ANXA8: variants seen among roughly 807,000 people sequenced by gnomAD.
The protein encoded by ANXA8 is VAC-beta.
Under a neutral mutation model 26.8 loss-of-function variants are expected in ANXA8, and 9 were observed. The ratio of observed to expected loss-of-function variants is 0.34; its 90% CI spans 0.20 to 0.59. The LOEUF is 0.59. Among genes scored for constraint, ANXA8 ranks in the 20% least tolerant of loss-of-function variants. The pLI, the probability that ANXA8 is intolerant of heterozygous loss-of-function variation, is 0.84. For missense variants in ANXA8, 83 were observed against 238.5 expected (o/e 0.35, Z 4.29); for synonymous variants, 39 against 94.8 (o/e 0.41, Z 3.42).
the ANXA8 span, among the ~76,000 whole-genome samples, chr10:47,533,225 C>CACACACACACATACACACA: frequency 5.1e-4 from 50 of 98,562 alleles, no homozygotes; most frequent in African/African-American, 1.6e-3. Flanking sequence ...ACACACACAC[C>CACACACACACATACACACA]CCCGCAGACA....
the ANXA8 span, among the ~76,000 whole-genome samples, chr10:47,599,454 A>G: frequency 0.035 from 5,174 of 148,364 alleles, 813 homozygotes; most frequent in African/African-American, 0.13. Context: ...TTTTTTTACT[A>G]GCATAAAATA....
chr10:47,484,074 G>C lies in ANXA8; in HGVS notation c.-141C>G. 1 of 1,604,366 alleles carries C rather than the reference G, an allele frequency of 6.2e-7. No individual in the cohort carries two copies. Among genetic ancestry groups the C allele is most frequent in the Non-Finnish European group, 8.5e-7 (1 of 1,173,848 alleles). ...GTGTGGGGGTGCAAGCCCGCCCAGG[G>C]CAGCGCCACACCTGCCTGCCGTCCC... On this transcript the variant is annotated 5_prime_UTR_variant, in exon 1 of 12. Transcript: ENST00000585281.
chr10:47,930,025 A>G, the ANXA8 span, among the ~76,000 whole-genome samples: 1 of 152,078 alleles, frequency 6.6e-6, no homozygotes, highest in South Asian at 2.1e-4. Flanking sequence ...CTCACTTCCC[A>G]CTACCCTTCC....
chr10:47,678,664 T>C, the ANXA8 span, among the ~76,000 whole-genome samples: 2 of 151,832 alleles, frequency 1.3e-5, no homozygotes, highest in Non-Finnish European at 2.9e-5. Flanking sequence ...ATCAGTAACC[T>C]TGGGACAATA....
the ANXA8 span, among the ~76,000 whole-genome samples, chr10:47,695,913 T>A: frequency 6.6e-6 from 1 of 151,924 alleles, no homozygotes; most frequent in South Asian, 2.1e-4. Context: ...ACTTTTAACT[T>A]GTGTGGAAGA....
At chr10:47,743,413 A>T in the ANXA8 span, among the ~76,000 whole-genome samples, 5 of 127,188 alleles carry the variant, frequency 3.9e-5, no homozygotes, top group African/African-American at 5.9e-5. Context: ...TGTGAGAGAG[A>T]GAGAGAGAGA....
the ANXA8 span, among the ~76,000 whole-genome samples, chr10:47,939,328 A>G: frequency 7.4e-6 from 1 of 135,130 alleles, no homozygotes; most frequent in Non-Finnish European, 1.6e-5. Context: ...AAAAAAGCAC[A>G]AGTGGCATGG....
chr10:47,960,649 G>A, the ANXA8 span, among the ~76,000 whole-genome samples: 9 of 149,336 alleles, frequency 6.0e-5, no homozygotes, highest in Admixed American at 3.3e-4. Flanking sequence ...TATATGGTTC[G>A]ATTAATCTTT....
the ANXA8 span, among the ~76,000 whole-genome samples, chr10:47,746,137 TGAGGTCCG>T: frequency 2.7e-5 from 3 of 111,772 alleles, no homozygotes; most frequent in Non-Finnish European, 5.7e-5. Context: ...GCAGATCACC[TGAGGTCCG>T]GAGTTCGAGA....
At chr10:47,574,161 A>G in the ANXA8 span, among the ~76,000 whole-genome samples, 96 of 47,652 alleles carry the variant, frequency 2.0e-3, 27 homozygotes, top group Non-Finnish European at 4.0e-3. Context: ...TGTCACCCAG[A>G]CTGGAGTGCA....
chr10:47,762,234 G>A, the ANXA8 span, among the ~76,000 whole-genome samples: 1 of 152,048 alleles, frequency 6.6e-6, no homozygotes, highest in African/African-American at 2.4e-5. Flanking sequence ...GGAGGAAGAG[G>A]GGGCAAGGCC....
the ANXA8 span, chr10:47,689,802 T>C: frequency 4.7e-6 from 7 of 1,496,568 alleles, no homozygotes; most frequent in Middle Eastern, 7.1e-4. Flanking sequence ...TAATGTCTGT[T>C]GCTGACCCCT....
chr10:47,685,739 T>C, the ANXA8 span, among the ~76,000 whole-genome samples: 6 of 149,096 alleles, frequency 4.0e-5, no homozygotes, highest in Non-Finnish European at 7.4e-5. Flanking sequence ...ATTGGAGAGG[T>C]AGAACAATTT....
the ANXA8 span, among the ~76,000 whole-genome samples, chr10:47,687,972 C>T: frequency 9.2e-5 from 14 of 151,816 alleles, no homozygotes; most frequent in African/African-American, 2.4e-4. Context: ...TGGTGGTAGA[C>T]GGCTGTAATC....
At chr10:47,487,210 C>A (rs1171808438), upstream of ANXA8, 3 of 855,604 alleles carry the variant, frequency 3.5e-6, no homozygotes, top group Admixed American at 8.1e-5. Context: ...ATAAATCCAG[C>A]GCTCAATGTA....
the ANXA8 span, among the ~76,000 whole-genome samples, chr10:47,647,215 T>C: frequency 6.6e-6 from 1 of 152,184 alleles, no homozygotes; most frequent in East Asian, 1.9e-4. Flanking sequence ...ACTCAATTTG[T>C]ATAGGACTCT....
At chr10:47,647,124 C>T in the ANXA8 span, among the ~76,000 whole-genome samples, 1 of 152,260 alleles carries the variant, frequency 6.6e-6, no homozygotes, top group East Asian at 1.9e-4. Flanking sequence ...CATCACTTTG[C>T]TCTAGACATG....
At chr10:47,951,811 CAAAAAAAAAAAA>C in the ANXA8 span, among the ~76,000 whole-genome samples, 1 of 94,566 alleles carries the variant, frequency 1.1e-5, no homozygotes, top group African/African-American at 4.7e-5. Flanking sequence ...ACTCTGTCTC[CAAAAAAAAAAAA>C]AAAAAAAAAA....
the ANXA8 span, among the ~76,000 whole-genome samples, chr10:47,562,458 T>C: frequency 1.8e-5 from 2 of 109,992 alleles, no homozygotes; most frequent in Non-Finnish European, 3.7e-5. Context: ...CTGCAGCTTC[T>C]TGTGGGTAAA....
Sources: allele counts gnomAD v4.1 joint callset (sites outside exome capture counted in the v4.1 genomes callset), GRCh38; gene constraint gnomAD v4.1.1; transcripts MANE v1.5; gene names NCBI Gene and HGNC (gene_info 2026-07-23, HGNC 2026-07-21).